SLC2A13: variants seen among roughly 807,000 people sequenced by gnomAD.
The protein encoded by SLC2A13 is solute carrier family 2 member 13.
In SLC2A13, 32 loss-of-function variants were observed where a neutral mutation model predicts 64.4. The observed-to-expected ratio is 0.50, with a 90% CI of 0.37 to 0.67. The LOEUF (loss-of-function observed/expected upper bound fraction) is 0.67. SLC2A13 is among the 30% of genes least tolerant of loss of function. The pLI, the probability that SLC2A13 is intolerant of heterozygous loss-of-function variation, is 0.00. For missense variants in SLC2A13, 743 were observed against 829.2 expected, an observed-to-expected ratio of 0.90 and a Z score of 1.28; for synonymous variants, 338 against 327.1, an observed-to-expected ratio of 1.03 and a Z score of -0.36.
intron 3 of SLC2A13, among the ~76,000 whole-genome samples, chr12:39,999,441 G>A (rs1273003346): frequency 6.6e-6 from 1 of 152,084 alleles, no homozygotes; most frequent in East Asian, 1.9e-4. Flanking sequence ...TTCATGGGGG[G>A]AGGTCTACAA....
chr12:39,938,424 A>T (rs1171960479), intron 4 of SLC2A13, among the ~76,000 whole-genome samples: 1 of 151,908 alleles, frequency 6.6e-6, no homozygotes, highest in Non-Finnish European at 1.5e-5. Flanking sequence ...ACACAACAAA[A>T]ATCATTTGTT....
intron 3 of SLC2A13, among the ~76,000 whole-genome samples, chr12:40,024,456 CTCCAG>C (rs1288641272): frequency 6.6e-6 from 1 of 152,196 alleles, no homozygotes; most frequent in Non-Finnish European, 1.5e-5. Flanking sequence ...ACAGTCTTCC[CTCCAG>C]TTCTCTGTAT....
At chr12:40,081,071 C>T (rs771055965) in intron 1 of SLC2A13, among the ~76,000 whole-genome samples, 6 of 151,926 alleles carry the variant, frequency 3.9e-5, no homozygotes, top group Non-Finnish European at 7.3e-5. Context: ...GAAAGGTCTG[C>T]TGTTAGCCTA....
intron 3 of SLC2A13, among the ~76,000 whole-genome samples, chr12:39,985,708 T>C (rs893135080): frequency 6.6e-5 from 10 of 152,122 alleles, no homozygotes; most frequent in African/African-American, 2.4e-4. Context: ...ACATACCTTA[T>C]AGTCTGCCCA....
intron 7 of SLC2A13, among the ~76,000 whole-genome samples, chr12:39,812,495 T>C (rs912522361): frequency 9.2e-5 from 14 of 151,774 alleles, no homozygotes; most frequent in Admixed American, 5.9e-4. Context: ...TTTTGTGAGA[T>C]AGATGCTTGC....
intron 4 of SLC2A13, among the ~76,000 whole-genome samples, chr12:39,904,655 G>C (rs553357691): frequency 1.3e-5 from 2 of 152,180 alleles, no homozygotes; most frequent in East Asian, 3.9e-4. Flanking sequence ...TCTTCTCATG[G>C]AAGACAGAGC....
chr12:39,855,367 T>C (rs1943580001), intron 6 of SLC2A13, among the ~76,000 whole-genome samples: 3 of 152,252 alleles, frequency 2.0e-5, no homozygotes, highest in African/African-American at 7.2e-5. Context: ...AAATTTATTT[T>C]ATGCAGTTAA....
chr12:39,999,568 T>C (rs1220199042), intron 3 of SLC2A13, among the ~76,000 whole-genome samples: 1 of 152,138 alleles, frequency 6.6e-6, no homozygotes, highest in East Asian at 1.9e-4. Context: ...CCTGGTAAAT[T>C]TGAGGTCAGA....
chr12:40,105,739 G>A lies in SLC2A13; in HGVS notation c.70C>T (p.Arg24Cys). 3 of 1,487,084 alleles carry A rather than the reference G, an allele frequency of 2.0e-6. No homozygotes were observed. The highest frequency in any genetic ancestry group is 2.7e-6 in the Non-Finnish European group (3 of 1,119,284). The allele number at this position is 1,487,084 out of a possible 1,614,324, so 92.1% of individuals were successfully genotyped here. Residue 24 changes from arginine (R) to cysteine (C), a missense_variant, in exon 1 of 10, where the codon CGC (arginine) becomes TGC (cysteine). Around this residue, in one of 2 missense-constraint regions of SLC2A13, gnomAD observed 448 missense variants for 447.4 expected, o/e 1.00. Coordinates refer to ENST00000280871, the MANE Select transcript of SLC2A13 (RefSeq NM_052885.4). This position sits in a 1 kb window ranked among gnomAD's most constrained non-coding sequence, Gnocchi z 4.2. ...RSLSSLMGER[R>C]RKQPEPDAAS... is the part of the protein sequence containing the mutation. ...GCGTCCGGCTCCGGCTGCTTCCTGC[G>A]CCGCTCGCCCATCAGGCTGCTCAGG...
chr12:40,102,738 C>T (rs1939190644), intron 1 of SLC2A13, among the ~76,000 whole-genome samples: 1 of 152,060 alleles, frequency 6.6e-6, no homozygotes. Flanking sequence ...GATTGTGTAC[C>T]AAACAAGCAA....
At position 39,982,732 on chromosome 12, in the gene SLC2A13, C is replaced by T. The variant is rs1227844342; in HGVS notation, c.926-31367G>A. Among the ~76,000 whole-genome samples the T allele has an allele frequency of 5.8e-4, 87 of 148,914 alleles. 2 individuals carry two copies. Among genetic ancestry groups the T allele is most frequent in the African/African-American group, 1.6e-3 (65 of 40,428 alleles). ...GCTCATGGGTAGGAAGAATCAATAT[C>T]GTGAAAATGGCCATACTGCCCAAGG... On this transcript the variant is annotated intron_variant, in intron 3 of 9. Transcript: ENST00000280871.
At chr12:39,795,464 A>C (rs1941544272) in intron 7 of SLC2A13, among the ~76,000 whole-genome samples, 1 of 152,154 alleles carries the variant, frequency 6.6e-6, no homozygotes, top group Non-Finnish European at 1.5e-5. Flanking sequence ...TATTTGTCTA[A>C]TAAATCCAAT....
In SLC2A13 at chr12:40,105,729, T is replaced by C; in HGVS notation, c.80A>G (p.Gln27Arg). 6.7e-7 allele frequency: 1 copy of C among 1,483,112 alleles called. No individual in the cohort carries two copies. The highest frequency in any genetic ancestry group is 9.0e-7 in the Non-Finnish European group (1 of 1,117,238). 91.9% of individuals were successfully genotyped at this position (1,483,112 alleles called of 1,614,324 possible). Reference protein sequence around the residue: ...SSLMGERRRKQPEPDAASAAG... With the variant: ...SSLMGERRRKRPEPDAASAAG... ...CGCGCTCGCCGCGTCCGGCTCCGGC[T>C]GCTTCCTGCGCCGCTCGCCCATCAG... The change falls in exon 1 of 10, where the codon CAG becomes CGG. Residue 27 changes from glutamine to arginine, a missense_variant. This residue lies in a region of SLC2A13 where 448 missense variants were observed against 447.4 expected (regional missense o/e 1.00). Transcript: ENST00000280871. The surrounding 1 kb of genome is among the most constrained non-coding windows in gnomAD (Gnocchi z 4.2).
intron 7 of SLC2A13, among the ~76,000 whole-genome samples, chr12:39,798,715 T>C (rs1341822446): frequency 6.6e-6 from 1 of 152,192 alleles, no homozygotes; most frequent in Non-Finnish European, 1.5e-5. Flanking sequence ...CAGTCTTTCT[T>C]AACCTTCTGG....
At chr12:40,020,577 C>A (rs1222008571) in intron 3 of SLC2A13, among the ~76,000 whole-genome samples, 1 of 152,114 alleles carries the variant, frequency 6.6e-6, no homozygotes, top group Non-Finnish European at 1.5e-5. Context: ...GACTAATACA[C>A]ATGGCCATTG....
intron 1 of SLC2A13, among the ~76,000 whole-genome samples, chr12:40,071,691 T>C (rs961928233): frequency 2.0e-5 from 3 of 152,176 alleles, no homozygotes; most frequent in Non-Finnish European, 4.4e-5. Context: ...AATTGGTCCA[T>C]TTCATCTAGG....
chr12:40,021,818 A>G (rs1237937114), intron 3 of SLC2A13, among the ~76,000 whole-genome samples: 2 of 152,212 alleles, frequency 1.3e-5, no homozygotes, highest in Non-Finnish European at 2.9e-5. Context: ...GCAGATGTCA[A>G]TTGCAACGAG....
intron 4 of SLC2A13, among the ~76,000 whole-genome samples, chr12:39,890,542 C>G (rs1429451124): frequency 6.6e-6 from 1 of 152,106 alleles, no homozygotes; most frequent in Admixed American, 6.6e-5. Flanking sequence ...AAGACGGAGG[C>G]AGAAGTAAAT....
chr12:39,873,444 C>T (rs2135943417), intron 4 of SLC2A13, among the ~76,000 whole-genome samples: 1 of 152,252 alleles, frequency 6.6e-6, no homozygotes, highest in South Asian at 2.1e-4. Flanking sequence ...AATGTCAAAC[C>T]TTACATGTAA....
Sources: allele counts gnomAD v4.1 joint callset (sites outside exome capture counted in the v4.1 genomes callset), GRCh38; gene constraint gnomAD v4.1.1; regional missense constraint gnomAD v4.1.1; non-coding constraint Gnocchi (gnomAD v3.1); transcripts MANE v1.5; gene names NCBI Gene and HGNC (gene_info 2026-07-23, HGNC 2026-07-21).